Variants in RALYL observed in about 807,000 individuals in gnomAD.
RALYL encodes RNA-binding Raly-like protein.
In RALYL, 29 loss-of-function variants were observed where a neutral mutation model predicts 35.1. That is an observed-to-expected ratio of 0.83 (90% CI 0.61 to 1.13). The LOEUF (loss-of-function observed/expected upper bound fraction) is 1.13. Ranked by LOEUF, RALYL falls within the 50% of genes most tolerant of loss-of-function variation. RALYL has a pLI of 0.00. For missense variants in RALYL, 359 were observed against 360.4 expected (o/e 1.00, Z 0.03); for synonymous variants, 120 against 127.6 (o/e 0.94, Z 0.40).
intron 2 of RALYL, among the ~76,000 whole-genome samples, chr8:84,734,415 C>G (rs1846844112): frequency 6.6e-6 from 1 of 151,994 alleles, no homozygotes; most frequent in Non-Finnish European, 1.5e-5. Flanking sequence ...TTTTAAGGTA[C>G]AACTTTATAA....
At chr8:84,784,751 C>T (rs911401942) in intron 3 of RALYL, among the ~76,000 whole-genome samples, 2 of 152,048 alleles carry the variant, frequency 1.3e-5, no homozygotes, top group African/African-American at 4.8e-5. Context: ...AGAAGTGAAG[C>T]TAGATAGGCC....
At chr8:84,296,871 G>A (rs1406801864) in intron 1 of RALYL, among the ~76,000 whole-genome samples, 1 of 151,782 alleles carries the variant, frequency 6.6e-6, no homozygotes, top group Non-Finnish European at 1.5e-5. Context: ...TTGATTTGTT[G>A]CCTAAAGAGT....
At chr8:84,709,009 A>T (rs1841695893) in intron 2 of RALYL, among the ~76,000 whole-genome samples, 1 of 152,124 alleles carries the variant, frequency 6.6e-6, no homozygotes, top group Admixed American at 6.6e-5. Flanking sequence ...TTTTATTCCT[A>T]ATAATATCTT....
intron 8 of RALYL, among the ~76,000 whole-genome samples, chr8:84,914,951 G>T (rs186666264): frequency 7.9e-5 from 12 of 152,082 alleles, no homozygotes; most frequent in Admixed American, 2.0e-4. Flanking sequence ...GCTTCTTCCC[G>T]CAATTGGTCA....
At chr8:84,831,924 A>G (rs879658969) in intron 4 of RALYL, among the ~76,000 whole-genome samples, 1 of 152,172 alleles carries the variant, frequency 6.6e-6, no homozygotes, top group African/African-American at 2.4e-5. Context: ...ATGAGCTTGT[A>G]ACAAAAAGAC....
At position 84,425,134 on chromosome 8, in the gene RALYL, C is replaced by T. The variant is rs374671031; in HGVS notation, c.-23-104165C>T. Among the ~76,000 whole-genome samples, 117 of 152,302 alleles carry T rather than the reference C, an allele frequency of 7.7e-4. No individual in the cohort carries two copies. In the East Asian group the frequency reaches 0.021, roughly 28 times the overall value. ...CTAAGCAAGCCTGGGCAATGGCGGA[C>T]GCCCCTCCCCCAGCCTCGCTGCTAC... On this transcript the variant is annotated intron_variant, in intron 1 of 8. Coordinates refer to ENST00000521268, the MANE Select transcript of RALYL (RefSeq NM_173848.7).
intron 1 of RALYL, among the ~76,000 whole-genome samples, chr8:84,274,311 C>T (rs772531255): frequency 2.0e-5 from 3 of 152,060 alleles, no homozygotes; most frequent in Non-Finnish European, 2.9e-5. Context: ...TATCTTTGTT[C>T]TTCTTTTCCA....
intron 2 of RALYL, among the ~76,000 whole-genome samples, chr8:84,708,002 T>C (rs1214456982): frequency 6.6e-6 from 1 of 152,124 alleles, no homozygotes; most frequent in Non-Finnish European, 1.5e-5. Flanking sequence ...GCAATAATTG[T>C]ACATTCAAGA....
chr8:84,369,962 A>G (rs1230296921), intron 1 of RALYL, among the ~76,000 whole-genome samples: 1 of 152,160 alleles, frequency 6.6e-6, no homozygotes, highest in African/African-American at 2.4e-5. Flanking sequence ...TGAACATGCA[A>G]CACCAGCTAT....
At chr8:84,690,927 A>C (rs1220370554) in intron 2 of RALYL, among the ~76,000 whole-genome samples, 11 of 152,130 alleles carry the variant, frequency 7.2e-5, no homozygotes, top group African/African-American at 2.7e-4. Flanking sequence ...GCAAAGTTAT[A>C]GAAATGTAAC....
At chr8:84,840,681 T>C (rs1288397859) in intron 4 of RALYL, among the ~76,000 whole-genome samples, 3 of 152,012 alleles carry the variant, frequency 2.0e-5, no homozygotes, top group Non-Finnish European at 4.4e-5. Context: ...TCACCAAATT[T>C]GAAATGAAGG....
At chr8:84,789,660 C>A (rs1454385114) in intron 3 of RALYL, among the ~76,000 whole-genome samples, 1 of 152,074 alleles carries the variant, frequency 6.6e-6, no homozygotes, top group African/African-American at 2.4e-5. Flanking sequence ...GAGTTCGAGA[C>A]CAGCTTGGGC....
At chr8:84,733,384 G>T (rs1487315924) in intron 2 of RALYL, among the ~76,000 whole-genome samples, 1 of 152,118 alleles carries the variant, frequency 6.6e-6, no homozygotes. Context: ...TAGATGAACT[G>T]TAAGGTTCCT....
chr8:84,226,712 A>G (rs368648575), intron 1 of RALYL, among the ~76,000 whole-genome samples: 1 of 152,196 alleles, frequency 6.6e-6, no homozygotes, highest in Non-Finnish European at 1.5e-5. Context: ...GAAAAGCAGT[A>G]GTAGAGTGTG....
In RALYL at chr8:84,270,938, T is replaced by A. The variant is rs1834192151; in HGVS notation, c.-24+86514T>A. 2.0e-5 allele frequency among the ~76,000 whole-genome samples: 3 copies of A among 151,790 alleles called. No homozygotes were observed. The South Asian group carries it at 6.2e-4, about 32-fold the overall frequency. ...AAATGGAATCCCATGTGCAATAACA[T>A]CTAAAAGACATGAATTCAGGAACTA... On this transcript the variant is annotated intron_variant, in intron 1 of 8. Coordinates refer to ENST00000521268, the MANE Select transcript of RALYL (RefSeq NM_173848.7).
At chr8:84,470,474 T>G (rs2052580470) in intron 1 of RALYL, among the ~76,000 whole-genome samples, 1 of 151,880 alleles carries the variant, frequency 6.6e-6, no homozygotes, top group Admixed American at 6.6e-5. Flanking sequence ...ATGGGTTTTT[T>G]TTTTTTCTGT....
rs191108823 is a variant in RALYL at position 84,444,542 on chromosome 8, C to T, written c.-23-84757C>T. ...GGAAAGAGAAATGGTTAGGTATGCA[C>T]GCTAGATACATCATTCTAGCAGATC... On this transcript the variant is annotated intron_variant, in intron 1 of 8. Coordinates refer to ENST00000521268, the MANE Select transcript of RALYL (RefSeq NM_173848.7). 8.6e-4 allele frequency among the ~76,000 whole-genome samples: 130 copies of T among 152,046 alleles called. No homozygotes were observed. In the South Asian group the frequency reaches 0.011, roughly 13 times the overall value.
intron 3 of RALYL, among the ~76,000 whole-genome samples, chr8:84,788,821 A>G (rs560584483): frequency 7.3e-4 from 111 of 152,298 alleles, no homozygotes; most frequent in Middle Eastern, 3.4e-3. Context: ...CCAGGAGAGC[A>G]GCTGAAGTCG....
chr8:84,439,430 A>G (rs1208578179), intron 1 of RALYL, among the ~76,000 whole-genome samples: 1 of 152,144 alleles, frequency 6.6e-6, no homozygotes, highest in Non-Finnish European at 1.5e-5. Flanking sequence ...TTGATTAAAT[A>G]TATACTAGAA....
Sources: gnomAD v4.1 joint callset for allele counts (sites outside exome capture counted in the v4.1 genomes callset) on GRCh38, gnomAD v4.1.1 for gene constraint, MANE v1.5 for transcripts, NCBI Gene and HGNC (gene_info 2026-07-23, HGNC 2026-07-21) for gene names.